Variants in SLC24A2 observed in about 807,000 individuals in gnomAD.
SLC24A2 encodes the protein solute carrier family 24 member 2, also known as sodium/potassium/calcium exchanger 2.
In SLC24A2, 36 loss-of-function variants were observed where a neutral mutation model predicts 62.0. The observed-to-expected ratio is 0.58, with a 90% CI of 0.44 to 0.77. SLC24A2 has a LOEUF of 0.77. Among genes scored for constraint, SLC24A2 ranks in the 30% least tolerant of loss-of-function variants. The probability of loss-of-function intolerance (pLI) is 0.00; values close to 1 mark genes in which losing one functional copy is unlikely to be tolerated. For missense variants in SLC24A2, 846 were observed against 817.9 expected, an observed-to-expected ratio of 1.03 and a Z score of -0.42; for synonymous variants, 358 against 294.0, an observed-to-expected ratio of 1.22 and a Z score of -2.23.
At chr9:19,868,022 CTGCTTGTTTTGGGTTTATTG>C in the SLC24A2 span, among the ~76,000 whole-genome samples, 1 of 151,684 alleles carries the variant, frequency 6.6e-6, no homozygotes, top group Admixed American at 6.6e-5. Context: ...TCCTTTACTT[CTGCTTGTTTTGGGTTTATTG>C]TGCTCTTTAT....
the SLC24A2 span, among the ~76,000 whole-genome samples, chr9:20,056,564 T>C: frequency 6.6e-6 from 1 of 152,216 alleles, no homozygotes; most frequent in Non-Finnish European, 1.5e-5. Flanking sequence ...AGCACTAGAA[T>C]TTTAATTTAG....
chr9:20,005,128 G>T, the SLC24A2 span, among the ~76,000 whole-genome samples: 1 of 152,244 alleles, frequency 6.6e-6, no homozygotes, highest in African/African-American at 2.4e-5. Context: ...CTAGAGAAAA[G>T]TGTCTTTAAT....
the SLC24A2 span, among the ~76,000 whole-genome samples, chr9:19,895,546 C>CTTTCTTTT: frequency 5.2e-5 from 7 of 135,324 alleles, no homozygotes; most frequent in African/African-American, 1.1e-4. Context: ...TTCTTTCTTT[C>CTTTCTTTT]TTTTTTTTTT....
the SLC24A2 span, among the ~76,000 whole-genome samples, chr9:20,276,982 T>C: frequency 6.6e-6 from 1 of 152,314 alleles, no homozygotes; most frequent in South Asian, 2.1e-4. Flanking sequence ...TCCTGGCTTG[T>C]GATGGGAAGG....
the SLC24A2 span, among the ~76,000 whole-genome samples, chr9:19,811,488 T>G: frequency 6.6e-6 from 1 of 152,224 alleles, no homozygotes; most frequent in Non-Finnish European, 1.5e-5. Flanking sequence ...TTACCTATTT[T>G]TCTATCTTTT....
the SLC24A2 span, among the ~76,000 whole-genome samples, chr9:19,964,702 G>C: frequency 6.6e-6 from 1 of 152,168 alleles, no homozygotes; most frequent in South Asian, 2.1e-4. Context: ...CAAGGAGAAG[G>C]GAAGCAGTGG....
the SLC24A2 span, among the ~76,000 whole-genome samples, chr9:20,180,936 T>A: frequency 6.6e-6 from 1 of 152,190 alleles, no homozygotes; most frequent in Non-Finnish European, 1.5e-5. Flanking sequence ...GTGGGCTCTG[T>A]CCTTTCTGAC....
chr9:19,987,447 T>C, the SLC24A2 span, among the ~76,000 whole-genome samples: 2 of 152,128 alleles, frequency 1.3e-5, no homozygotes, highest in South Asian at 2.1e-4. Context: ...TTAGTGAGGA[T>C]TGAGTATTAT....
the SLC24A2 span, among the ~76,000 whole-genome samples, chr9:20,024,024 G>A: frequency 6.6e-6 from 1 of 152,136 alleles, no homozygotes; most frequent in Non-Finnish European, 1.5e-5. Context: ...CATTTCCACG[G>A]AAACGCTTTC....
At chr9:20,090,254 TGGAGCCCCCA>T in the SLC24A2 span, among the ~76,000 whole-genome samples, 1 of 152,016 alleles carries the variant, frequency 6.6e-6, no homozygotes, top group Non-Finnish European at 1.5e-5. Context: ...CTCTCTGGGG[TGGAGCCCCCA>T]GGAGACAAGA....
At chr9:19,627,245 G>C (rs1294933880) in intron 2 of SLC24A2, among the ~76,000 whole-genome samples, 3 of 152,142 alleles carry the variant, frequency 2.0e-5, no homozygotes, top group Non-Finnish European at 4.4e-5. Context: ...AAGAAGTGCG[G>C]TAATGAAAGC....
the SLC24A2 span, among the ~76,000 whole-genome samples, chr9:19,969,440 CA>C: frequency 1.3e-5 from 2 of 152,098 alleles, no homozygotes; most frequent in Non-Finnish European, 2.9e-5. Flanking sequence ...CAATAAAGCA[CA>C]AAAAAATTCC....
At chr9:19,856,174 C>G in the SLC24A2 span, among the ~76,000 whole-genome samples, 1 of 152,204 alleles carries the variant, frequency 6.6e-6, no homozygotes, top group African/African-American at 2.4e-5. Context: ...TTCTGGTTGA[C>G]AGCTCTTGTA....
At chr9:19,730,275 T>C (rs192067551) in intron 2 of SLC24A2, among the ~76,000 whole-genome samples, 282 of 152,312 alleles carry the variant, frequency 1.9e-3, no homozygotes, top group African/African-American at 6.5e-3. Flanking sequence ...GCAATATGTA[T>C]CAAGATCAGT....
the SLC24A2 span, among the ~76,000 whole-genome samples, chr9:20,183,798 G>C: frequency 6.6e-6 from 1 of 152,172 alleles, no homozygotes; most frequent in African/African-American, 2.4e-5. Flanking sequence ...GAGAGGGAAA[G>C]GGTCAAGTAG....
At chr9:19,993,200 G>A in the SLC24A2 span, among the ~76,000 whole-genome samples, 3 of 152,118 alleles carry the variant, frequency 2.0e-5, no homozygotes, top group Admixed American at 2.0e-4. Context: ...TCCATCCACA[G>A]GGCATCTGAA....
chr9:20,095,524 G>T, the SLC24A2 span, among the ~76,000 whole-genome samples: 1 of 152,290 alleles, frequency 6.6e-6, no homozygotes, highest in African/African-American at 2.4e-5. Context: ...TTCTCCACGT[G>T]AGAGAAAATT....
the SLC24A2 span, among the ~76,000 whole-genome samples, chr9:19,985,018 CA>C: frequency 0.03 from 4,402 of 147,800 alleles, 183 homozygotes; most frequent in African/African-American, 0.093. Flanking sequence ...ACTGAAAATA[CA>C]AAAAAAAAAG....
At chr9:20,032,185 T>C in the SLC24A2 span, among the ~76,000 whole-genome samples, 4 of 152,184 alleles carry the variant, frequency 2.6e-5, no homozygotes, top group Admixed American at 6.5e-5. Context: ...TGGGTGGGAA[T>C]TGAGGCCAGG....
Sources: allele counts gnomAD v4.1 joint callset (sites outside exome capture counted in the v4.1 genomes callset), GRCh38; gene constraint gnomAD v4.1.1; transcripts MANE v1.5; gene names NCBI Gene and HGNC (gene_info 2026-07-23, HGNC 2026-07-21).